SOX5: variants seen among roughly 807,000 people sequenced by gnomAD.
The protein encoded by SOX5 is transcription factor SOX-5.
In SOX5, 9 loss-of-function variants were observed where a neutral mutation model predicts 92.0. The observed-to-expected ratio is 0.10, with a 90% CI of 0.06 to 0.17. SOX5 has a LOEUF of 0.17. SOX5 is among the 10% of genes least tolerant of loss of function. The pLI is 1.00. For synonymous variants in SOX5, 344 were observed against 336.3 expected, an observed-to-expected ratio of 1.02 and a Z score of -0.25; for missense variants, 642 against 944.5, an observed-to-expected ratio of 0.68 and a Z score of 4.20.
intron 1 of SOX5, among the ~76,000 whole-genome samples, chr12:24,407,083 C>CA (rs770284744): frequency 8.0e-5 from 12 of 149,900 alleles, no homozygotes; most frequent in Non-Finnish European, 1.6e-4. Context: ...AGTGGCAATG[C>CA]AAAAAACAAA....
intron 1 of SOX5, among the ~76,000 whole-genome samples, chr12:24,435,570 G>T (rs894015274): frequency 2.0e-5 from 3 of 152,120 alleles, no homozygotes; most frequent in Non-Finnish European, 4.4e-5. Context: ...CCTGCACATA[G>T]TTCAATATGT....
In SOX5 at chr12:24,134,755, T is replaced by C. The variant is rs1909354; in HGVS notation, c.-2+78588A>G. ...CCCAGTGACGCAAGGCAAAGAAAGCTGCCCAAAGGAAAAGTAAAAATAAGT... is the reference window on the plus strand; with the variant it reads ...CCCAGTGACGCAAGGCAAAGAAAGCCGCCCAAAGGAAAAGTAAAAATAAGT... On this transcript the variant is annotated intron_variant, in intron 4 of 4. Coordinates refer to the SOX5 transcript ENST00000446891. Among the ~76,000 whole-genome samples, 902 of 152,266 alleles carry C rather than the reference T, an allele frequency of 5.9e-3. 7 individuals are homozygous for C. The highest frequency in any genetic ancestry group is 8.6e-3 in the Admixed American group (132 of 15,296).
chr12:23,962,730 T>C (rs984985459), intron 4 of SOX5, among the ~76,000 whole-genome samples: 6 of 152,230 alleles, frequency 3.9e-5, no homozygotes, highest in African/African-American at 1.4e-4. Context: ...AAATATGCAA[T>C]TGCCCACTGT....
chr12:24,135,740 G>A (rs1274841786), intron 4 of SOX5, among the ~76,000 whole-genome samples: 5 of 152,162 alleles, frequency 3.3e-5, no homozygotes, highest in Admixed American at 6.5e-5. Flanking sequence ...GCAGCATATG[G>A]TCTGGACCTT....
At chr12:24,074,469 A>G (rs1252900898) in intron 4 of SOX5, among the ~76,000 whole-genome samples, 2 of 152,050 alleles carry the variant, frequency 1.3e-5, no homozygotes, top group Non-Finnish European at 2.9e-5. Flanking sequence ...ACATTGCTGT[A>G]CATTTTAGTA....
intron 6 of SOX5, among the ~76,000 whole-genome samples, chr12:23,691,151 G>C (rs577385408): frequency 6.6e-6 from 1 of 152,242 alleles, no homozygotes; most frequent in Non-Finnish European, 1.5e-5. Context: ...TGGCAGCCAG[G>C]CCAAAGGCAA....
At chr12:23,853,835 C>T (rs1449142442) in intron 2 of SOX5, among the ~76,000 whole-genome samples, 1 of 152,074 alleles carries the variant, frequency 6.6e-6, no homozygotes, top group East Asian at 1.9e-4. Context: ...AGCAAATACA[C>T]TTTAAAACGT....
intron 1 of SOX5, among the ~76,000 whole-genome samples, chr12:24,502,139 A>T (rs1044258611): frequency 6.6e-6 from 1 of 152,232 alleles, no homozygotes; most frequent in African/African-American, 2.4e-5. Context: ...ACCTTCTAAA[A>T]TAACATTATT....
chr12:24,232,424 T>C (rs1963586866), intron 3 of SOX5, among the ~76,000 whole-genome samples: 1 of 152,182 alleles, frequency 6.6e-6, no homozygotes, highest in Non-Finnish European at 1.5e-5. Context: ...GAACAATTTC[T>C]TGACACAAAG....
At chr12:24,154,804 A>G (rs1027560751) in intron 4 of SOX5, among the ~76,000 whole-genome samples, 2 of 152,102 alleles carry the variant, frequency 1.3e-5, no homozygotes, top group African/African-American at 2.4e-5. Flanking sequence ...TCATAATATA[A>G]TAATACAATT....
At chr12:24,218,109 C>A (rs572797986) in intron 3 of SOX5, among the ~76,000 whole-genome samples, 2 of 152,236 alleles carry the variant, frequency 1.3e-5, no homozygotes, top group East Asian at 3.9e-4. Context: ...AATGACCCAG[C>A]CATTCTACTC....
chr12:24,326,049 G>A (rs1290600109), intron 2 of SOX5, among the ~76,000 whole-genome samples: 1 of 152,046 alleles, frequency 6.6e-6, no homozygotes, highest in East Asian at 1.9e-4. Flanking sequence ...TATCTCTCAG[G>A]GCCCAAGTTT....
chr12:23,970,000 G>A (rs1441325612), intron 4 of SOX5, among the ~76,000 whole-genome samples: 3 of 152,124 alleles, frequency 2.0e-5, no homozygotes, highest in Admixed American at 6.6e-5. Flanking sequence ...ACTGTCCCCT[G>A]CCCCAGCTAA....
intron 3 of SOX5, among the ~76,000 whole-genome samples, chr12:24,270,603 C>G (rs116570568): frequency 0.024 from 3,628 of 152,280 alleles, 143 homozygotes; most frequent in African/African-American, 0.082. Context: ...AAGCACCACA[C>G]AGGTCATTAC....
rs1938912855 is a variant in SOX5 at position 23,530,862 on chromosome 12, A to G, written c.*3357T>C. ...ATGTGAGAGAGAGAGAGAAAGGGAA[A>G]GAGATAAAGTGTGAACAGATAGGTA... On this transcript the variant is annotated 3_prime_UTR_variant, in exon 15 of 15. Transcript: ENST00000451604. 8.4e-6 allele frequency: 1 copy of G among 118,356 alleles called. No individual in the cohort carries two copies. Among genetic ancestry groups the G allele is most frequent in the African/African-American group, 2.9e-5 (1 of 35,030 alleles). The allele number at this position is 118,356 out of a possible 1,614,324, so 7.3% of individuals were successfully genotyped here. A position where few individuals can be genotyped will look rare whatever the true frequency, so the allele number is the denominator to read the frequency against.
chr12:24,388,182 G>A (rs1228166506), intron 1 of SOX5, among the ~76,000 whole-genome samples: 1 of 152,126 alleles, frequency 6.6e-6, no homozygotes, highest in Non-Finnish European at 1.5e-5. Context: ...CACTTCATTT[G>A]GAGGTAACAC....
intron 4 of SOX5, among the ~76,000 whole-genome samples, chr12:24,194,360 C>A (rs1433838792): frequency 1.3e-5 from 2 of 151,884 alleles, no homozygotes; most frequent in Non-Finnish European, 2.9e-5. Context: ...AATATGGAAC[C>A]CATACACACA....
At chr12:23,992,583 C>T (rs1039771815) in intron 4 of SOX5, among the ~76,000 whole-genome samples, 3 of 152,086 alleles carry the variant, frequency 2.0e-5, no homozygotes, top group Non-Finnish European at 2.9e-5. Context: ...CATGAGTTCT[C>T]GCTCTCTGTT....
At chr12:23,984,458 G>A (rs1376762146) in intron 4 of SOX5, among the ~76,000 whole-genome samples, 1 of 152,166 alleles carries the variant, frequency 6.6e-6, no homozygotes, top group Non-Finnish European at 1.5e-5. Flanking sequence ...GCATTGGTTG[G>A]TTGAAGGAGG....
Sources: gnomAD v4.1 joint callset for allele counts (sites outside exome capture counted in the v4.1 genomes callset) on GRCh38, gnomAD v4.1.1 for gene constraint, MANE v1.5 for transcripts, NCBI Gene and HGNC (gene_info 2026-07-23, HGNC 2026-07-21) for gene names.